The following PKD1 variants were observed in gnomAD, a reference collection of about 807,000 sequenced individuals.
The protein encoded by PKD1 is polycystin-1.
PKD1 carries 81 observed loss-of-function variants against 361.7 expected under a neutral mutation model. That is an observed-to-expected ratio of 0.22 (90% CI 0.19 to 0.27). The LOEUF (loss-of-function observed/expected upper bound fraction) is 0.27. Ranked by LOEUF, PKD1 falls within the 10% of genes least tolerant of loss-of-function variation. The pLI is 1.00. For synonymous variants in PKD1, 3,615 were observed against 2,818.3 expected, an observed-to-expected ratio of 1.28 and a Z score of -8.95; for missense variants, 6,399 against 6,118.3, an observed-to-expected ratio of 1.05 and a Z score of -1.53.
Position 2,109,864 on chromosome 16 carries a change from G to T in PKD1, c.5303C>A (p.Thr1768Asn), listed in dbSNP as rs543688331. 7.5e-6 allele frequency: 12 copies of T among 1,610,698 alleles called. No individual in the cohort carries two copies. The East Asian group carries it at 2.7e-4, about 36-fold the overall frequency. ...CAGGCCGGGTGTGGGGAAGCTATGG[G>T]TGGTAAATGGCTCGGAGGTCTCCCA... Reference protein sequence around the residue: ...LSWETSEPFTTHSFPTPGLHL... With the variant: ...LSWETSEPFTNHSFPTPGLHL... Residue 1768 changes from threonine (T) to asparagine (N), a missense_variant, in exon 15 of 46, where the codon ACC becomes AAC. Physicochemically the swap from Thr to Asn is moderately conservative, Grantham distance 65. Transcript: ENST00000262304.
Position 2,100,244 on chromosome 16 carries a change from A to C in PKD1, c.9634T>G (p.Phe3212Val), listed in dbSNP as rs752992422. ...VRDLQTARSA[F>V]FLVNDWLSVE... The stretch of plus-strand genomic sequence containing the variant: ...GAAAGCCAGTCATTGACCAGGAAGA[A>C]GGCGCTGCGTGCCGTCTGCAGGTCC... The change falls in exon 28 of 46, where the codon TTC becomes GTC. Residue 3212 changes from phenylalanine to valine, a missense_variant. Phe to Val is a conservative substitution (Grantham distance 50, BLOSUM62 -1). Transcript: ENST00000262304. This position sits in a 1 kb window ranked among gnomAD's most constrained non-coding sequence, Gnocchi z 4.4. The C allele has an allele frequency of 1.6e-5, 25 of 1,610,506 alleles. No homozygotes were observed. The highest frequency in any genetic ancestry group is 3.3e-5 in the Admixed American group (2 of 59,996).
At position 2,102,646 on chromosome 16, in the gene PKD1, G is replaced by A. The variant is rs371194388; in HGVS notation, c.8949-13C>T. 13 of 1,610,780 alleles carry A rather than the reference G, an allele frequency of 8.1e-6. No homozygotes were observed. The East Asian group carries it at 2.7e-4, about 33-fold the overall frequency. ...TGGGTCTCTGCTCCTGGGCAGGGAAGGGGTAGCGGACGTGAGCCCAGGCTC... is the reference window on the plus strand; with the variant it reads ...TGGGTCTCTGCTCCTGGGCAGGGAAAGGGTAGCGGACGTGAGCCCAGGCTC... On this transcript the variant is annotated splice_polypyrimidine_tract_variant and intron_variant, in intron 24 of 45. Coordinates refer to ENST00000262304, the MANE Select transcript of PKD1 (RefSeq NM_001009944.3).
chr16:2,135,530 G>A lies in PKD1; in HGVS notation c.160C>T (p.Arg54Cys). 1 of 1,161,044 alleles carries A rather than the reference G, an allele frequency of 8.6e-7. No homozygotes were observed. Among genetic ancestry groups the A allele is most frequent in the Non-Finnish European group, 1.1e-6 (1 of 942,442 alleles). The allele number at this position is 1,161,044 out of a possible 1,614,324, so 71.9% of individuals were successfully genotyped here. A position where few individuals can be genotyped will look rare whatever the true frequency, so the allele number is the denominator to read the frequency against. The change falls in exon 1 of 46, where the codon CGC becomes TGC. Residue 54 changes from arginine (R) to cysteine (C), a missense_variant. Arg to Cys is a radical substitution (Grantham distance 180, BLOSUM62 -3). Coordinates refer to ENST00000262304, the MANE Select transcript of PKD1 (RefSeq NM_001009944.3). ...GCGGGACCGAGCGTCCGCAGCCCGCGGCCCGAGCAGTTGACGCGGCAGGCG... is the reference window on the plus strand; with the variant it reads ...GCGGGACCGAGCGTCCGCAGCCCGCAGCCCGAGCAGTTGACGCGGCAGGCG... ...GAACRVNCSG[R>C]GLRTLGPALR... is the part of the protein sequence containing the mutation.
rs1424929522 is a variant in PKD1 at position 2,111,655 on chromosome 16, G to T, written c.3512C>A (p.Thr1171Asn). The T allele has an allele frequency of 3.8e-6, 6 of 1,574,048 alleles. No homozygotes were observed. The highest frequency in any genetic ancestry group is 5.2e-6 in the Non-Finnish European group (6 of 1,161,248). Residue 1171 changes from threonine to asparagine, a missense_variant, in exon 15 of 46, where the codon ACC (threonine) becomes AAC (asparagine). Thr to Asn is a moderately conservative substitution (Grantham distance 65). Coordinates refer to ENST00000262304, the MANE Select transcript of PKD1 (RefSeq NM_001009944.3). ...GTGGTTGGCAGCCGGCTGGCTCTGG[G>T]TCAGGACAGGGGAGCCGTCCCCGAA... is the stretch of plus-strand genomic sequence containing the variant. ...WDFGDGSPVL[T>N]QSQPAANHTY...
chr16:2,102,967 T>C lies in PKD1; in HGVS notation c.8795A>G (p.His2932Arg), dbSNP rs201524173. 2.5e-5 allele frequency: 40 copies of C among 1,604,324 alleles called. No individual in the cohort carries two copies. The highest frequency in any genetic ancestry group is 8.3e-5 in the Admixed American group (5 of 59,996). ...GGGCTCAGGTTCCTCAGACAGGTAG[T>C]GGCCTGGGGCAGAACGCGCAGGTCA... ...LQLNYTLLDG[H>R]YLSEEPEPYL... Residue 2932 changes from histidine to arginine, a missense_variant, in exon 24 of 46, where the codon CAC (histidine) becomes CGC (arginine). His to Arg is a conservative substitution (Grantham distance 29). Coordinates refer to ENST00000262304, the MANE Select transcript of PKD1 (RefSeq NM_001009944.3).
rs781568534 is a variant in PKD1, at chr16:2,100,108, G to A, written c.9713-37C>T. 35 of 1,602,660 alleles carry A rather than the reference G, an allele frequency of 2.2e-5. No individual in the cohort carries two copies. Among genetic ancestry groups the A allele is most frequent in the Non-Finnish European group, 2.7e-5 (32 of 1,174,160 alleles). ...GGAGGGCCGCACTGCAGGAGGCCAC[G>A]GGGCAGGACCACCCTGCCCAACCTC... On this transcript the variant is annotated intron_variant, in intron 28 of 45. Coordinates refer to ENST00000262304, the MANE Select transcript of PKD1 (RefSeq NM_001009944.3). The surrounding 1 kb of genome is among the most constrained non-coding windows in gnomAD (Gnocchi z 4.4).
At position 2,110,043 on chromosome 16, in the gene PKD1, G is replaced by A. The variant is rs753241700; in HGVS notation, c.5124C>T (p.Ala1708=). The change falls in exon 15 of 46, where the codon GCC becomes GCT. Residue 1708 remains alanine, a synonymous_variant. Transcript: ENST00000262304. ...RATNMLGSAW[A]DCTMDFVEPV... ...GCTCCACGAAGTCCATGGTGCAGTC[G>A]GCCCAGGCGCTGCCCAGCATGTTGG... The A allele has an allele frequency of 1.8e-5, 29 of 1,610,292 alleles. No individual in the cohort carries two copies. Among genetic ancestry groups the A allele is most frequent in the African/African-American group, 4.0e-5 (3 of 74,846 alleles).
intron 23 of PKD1, 83 bp from the exon 24 acceptor site, chr16:2,103,053 C>A: frequency 6.7e-7 from 1 of 1,488,898 alleles, no homozygotes; most frequent in Non-Finnish European, 9.2e-7. Flanking sequence ...CTGAGCCCAC[C>A]CTCTGCCACG....
chr16:2,092,418 T>C (rs1567154764), intron 39 of PKD1, 62 bp downstream of exon 39: 4 of 1,221,012 alleles, frequency 3.3e-6, no homozygotes, highest in Non-Finnish European at 4.8e-6. Context: ...AGAGCTCCGC[T>C]AAAGGCTGCT....
chr16:2,111,186 G>C lies in PKD1; in HGVS notation c.3981C>G (p.Asp1327Glu). The change falls in exon 15 of 46, where the codon GAC (aspartate) becomes GAG (glutamate). Residue 1327 changes from aspartate (D) to glutamate (E), a missense_variant. Coordinates refer to ENST00000262304, the MANE Select transcript of PKD1 (RefSeq NM_001009944.3). ...TGGAGGAGCCATCCCCGAAGGTCCA[G>C]TCGAAGAGGTAGTGGGCCGGGTTCC... ...VTGNPAHYLFDWTFGDGSSNT... is the reference protein window; with the variant it reads ...VTGNPAHYLFEWTFGDGSSNT... 9.3e-6 allele frequency: 15 copies of C among 1,611,460 alleles called. No homozygotes were observed. The highest frequency in any genetic ancestry group is 1.3e-5 in the Non-Finnish European group (15 of 1,179,738).
chr16:2,127,213 G>A (rs184897468), intron 1 of PKD1, among the ~76,000 whole-genome samples: 1 of 152,358 alleles, frequency 6.6e-6, no homozygotes, highest in Non-Finnish European at 1.5e-5. Context: ...GCACTGAGCG[G>A]AACTCAGGCA....
Position 2,094,219 on chromosome 16 carries a change from C to A in PKD1, c.10500-9G>T, listed in dbSNP as rs1423221061. 1.3e-6 allele frequency: 2 copies of A among 1,523,200 alleles called. No individual in the cohort carries two copies. Among genetic ancestry groups the A allele is most frequent in the Non-Finnish European group, 9.1e-7 (1 of 1,099,708 alleles). 94.4% of individuals were successfully genotyped at this position (1,523,200 alleles called of 1,614,324 possible). A position where few individuals can be genotyped will look rare whatever the true frequency, so the allele number is the denominator to read the frequency against. The stretch of plus-strand genomic sequence containing the variant: ...CCCCAGGAGTGCTGGACCTGAGGGA[C>A]ATGGTAGGCTGTGAATTCATCCCGG... On this transcript the variant is annotated splice_polypyrimidine_tract_variant and intron_variant, in intron 34 of 45. Coordinates refer to ENST00000262304, the MANE Select transcript of PKD1 (RefSeq NM_001009944.3).
chr16:2,117,498 C>T lies in PKD1; in HGVS notation c.1376G>A (p.Arg459Gln), dbSNP rs776837561. 3.4e-5 allele frequency: 53 copies of T among 1,546,904 alleles called. No homozygotes were observed. The African/African-American group carries it at 5.0e-4, about 15-fold the overall frequency. Residue 459 changes from arginine to glutamine, a missense_variant, in exon 6 of 46, where the codon CGG (arginine) becomes CAG (glutamine). Arg to Gln is a conservative substitution (Grantham distance 43). Coordinates refer to ENST00000262304, the MANE Select transcript of PKD1 (RefSeq NM_001009944.3). Reference protein sequence around the residue: ...SPAVQRFLVSRVTRSLDVWIG... With the variant: ...SPAVQRFLVSQVTRSLDVWIG... ...GGGTGGGGGCAGGCACCTGGTGACCCGGGAGACCAGGAAGCGCTGCACGGC... is the reference window on the plus strand; with the variant it reads ...GGGTGGGGGCAGGCACCTGGTGACCTGGGAGACCAGGAAGCGCTGCACGGC...
At chr16:2,091,755 G>A (rs780593395) in intron 41 of PKD1, 26 bp downstream of exon 41, 4 of 1,608,774 alleles carry the variant, frequency 2.5e-6, no homozygotes, top group Middle Eastern at 1.7e-4. Flanking sequence ...GGCCACCCCG[G>A]AGAGGGCAGG....
intron 1 of PKD1, among the ~76,000 whole-genome samples, chr16:2,121,619 A>G (rs2092722503): frequency 6.6e-6 from 1 of 152,024 alleles, no homozygotes; most frequent in African/African-American, 2.4e-5. Context: ...TGCGGAGGTG[A>G]GTAGACAGAG....
Position 2,097,484 on chromosome 16 carries a change from C to T in PKD1, c.10240G>A (p.Gly3414Ser), listed in dbSNP as rs371762181. Reference protein sequence around the residue: ...DSKSLVCWPSGEGTLSWPDLL... With the variant: ...DSKSLVCWPSSEGTLSWPDLL... ...TCCGGCCAACTGAGCGTTCCCTCGC[C>T]GGAGGGCCAGCACACCAGACTGCAG... The change falls in exon 33 of 46, where the codon GGC becomes AGC. Residue 3414 changes from glycine to serine, a missense_variant. Physicochemically the swap from Gly to Ser is moderately conservative, Grantham distance 56. Coordinates refer to ENST00000262304, the MANE Select transcript of PKD1 (RefSeq NM_001009944.3). 1,095 of 1,602,250 alleles carry T rather than the reference C, an allele frequency of 6.8e-4. 1 individual carries two copies. The highest frequency in any genetic ancestry group is 8.6e-4 in the Non-Finnish European group (1,012 of 1,179,794).
At position 2,100,137 on chromosome 16, in the gene PKD1, C is replaced by T. The variant is rs578128497; in HGVS notation, c.9712+29G>A. On this transcript the variant is annotated intron_variant, in intron 28 of 45. Coordinates refer to ENST00000262304, the MANE Select transcript of PKD1 (RefSeq NM_001009944.3). This position sits in a 1 kb window ranked among gnomAD's most constrained non-coding sequence, Gnocchi z 4.4. ...CAGGACCACCCTGCCCAACCTCCCA[C>T]GGAGTGGGAACATGGAACGAGGCCT... is the stretch of plus-strand genomic sequence containing the variant. 2.9e-5 allele frequency: 47 copies of T among 1,605,206 alleles called. No individual in the cohort carries two copies. The South Asian group carries it at 3.5e-4, about 12-fold the overall frequency.
At position 2,135,371 on chromosome 16, in the gene PKD1, G is replaced by A. The variant is rs1020477806; in HGVS notation, c.215+104C>T. ...CGTGCCGCGCCGGAGCCTCGCCCTG[G>A]GAGCGTCCTGGCCCGCGTCCTGCTT... is the stretch of plus-strand genomic sequence containing the variant. On this transcript the variant is annotated intron_variant, in intron 1 of 45. Transcript: ENST00000262304. The A allele has an allele frequency of 1.3e-5, 14 of 1,064,028 alleles. No individual in the cohort carries two copies. The African/African-American group carries it at 2.2e-4, about 17-fold the overall frequency. The allele number at this position is 1,064,028 out of a possible 1,614,324, so 65.9% of individuals were successfully genotyped here.
intron 1 of PKD1, among the ~76,000 whole-genome samples, chr16:2,130,820 C>T (rs970807253): frequency 8.5e-5 from 13 of 152,226 alleles, no homozygotes; most frequent in African/African-American, 2.2e-4. Context: ...GGCAAGGCCC[C>T]GGGTGCTCCT....
Sources: gnomAD v4.1 joint callset for allele counts (sites outside exome capture counted in the v4.1 genomes callset) on GRCh38, gnomAD v4.1.1 for gene constraint, Gnocchi (gnomAD v3.1) non-coding constraint, MANE v1.5 for transcripts, NCBI Gene and HGNC (gene_info 2026-07-23, HGNC 2026-07-21) for gene names.